The following POLA1 variants were observed in gnomAD, a reference collection of about 807,000 sequenced individuals.
The protein encoded by POLA1 is DNA polymerase alpha 1, catalytic subunit.
Under a neutral mutation model 124.0 loss-of-function variants are expected in POLA1, and 15 were observed. The ratio of observed to expected loss-of-function variants is 0.12; its 90% CI spans 0.08 to 0.19. POLA1 has a LOEUF of 0.19. POLA1 is among the 10% of genes least tolerant of loss of function. POLA1 has a pLI of 1.00. For synonymous variants in POLA1, 408 were observed against 389.4 expected (o/e 1.05, Z -0.56); for missense variants, 886 against 1,103.4 (o/e 0.80, Z 2.79).
intron 36 of POLA1, among the ~76,000 whole-genome samples, chrX:24,932,528 CAG>C (rs1220501437): frequency 1.6e-4 from 18 of 112,039 alleles, no homozygotes; most frequent in Non-Finnish European, 1.9e-5. Flanking sequence ...TCTGTACACT[CAG>C]AGTTTACTGT....
chrX:24,891,942 G>A (rs982943702), intron 35 of POLA1, among the ~76,000 whole-genome samples: 66 of 111,218 alleles, frequency 5.9e-4, no homozygotes, highest in Non-Finnish European at 9.4e-4. Flanking sequence ...GCCTCTTACT[G>A]TGCCAGTCTT....
intron 34 of POLA1, among the ~76,000 whole-genome samples, chrX:24,880,422 ATAGT>A (rs762057127): frequency 8.9e-6 from 1 of 112,025 alleles, no homozygotes; most frequent in Non-Finnish European, 1.9e-5. Flanking sequence ...ACTTCGGTGA[ATAGT>A]TAGTTTATGT....
intron 2 of POLA1, among the ~76,000 whole-genome samples, chrX:24,701,111 C>T (rs1928387632): frequency 9.0e-6 from 1 of 111,513 alleles, no homozygotes; most frequent in Admixed American, 9.6e-5. Flanking sequence ...CTCCCACCCC[C>T]AAAAAAGAAA....
chrX:24,885,640 T>C (rs2047054849), intron 34 of POLA1, among the ~76,000 whole-genome samples: 2 of 111,216 alleles, frequency 1.8e-5, no homozygotes, highest in Admixed American at 1.9e-4. Flanking sequence ...GTTCAAGCAG[T>C]CAGCCTCCCG....
At chrX:24,930,421 G>T in intron 35 of POLA1, 32 bp from the exon 36 acceptor site, 2 of 898,957 alleles carry the variant, frequency 2.2e-6, no homozygotes, top group Non-Finnish European at 3.3e-6. Context: ...CTCCCCAGTA[G>T]TAGTATTCAT....
At chrX:24,925,636 A>G (rs1270534306) in intron 35 of POLA1, among the ~76,000 whole-genome samples, 1 of 112,468 alleles carries the variant, frequency 8.9e-6, no homozygotes, top group Non-Finnish European at 1.9e-5. Flanking sequence ...TGCATGCCCT[A>G]TGACTCAGCA....
intron 34 of POLA1, among the ~76,000 whole-genome samples, chrX:24,868,604 AT>A (rs983785470): frequency 8.1e-5 from 9 of 111,671 alleles, no homozygotes; most frequent in African/African-American, 2.9e-4. Flanking sequence ...GGTGATGAGA[AT>A]TTTTTTTAAC....
intron 34 of POLA1, among the ~76,000 whole-genome samples, chrX:24,886,261 A>G (rs952999863): frequency 1.8e-5 from 2 of 111,855 alleles, no homozygotes; most frequent in African/African-American, 6.5e-5. Flanking sequence ...CCTTTTGCCT[A>G]TTCTTCACAA....
Position 24,918,537 on chromosome X carries a change from A to T in POLA1, c.4165-11916A>T, listed in dbSNP as rs187721430. ...GCATTTTTTCTATTTAAACTCATTTAATATGCATCATAATCCTATGAGGTA... is the reference window on the plus strand; with the variant it reads ...GCATTTTTTCTATTTAAACTCATTTTATATGCATCATAATCCTATGAGGTA... On this transcript the variant is annotated intron_variant, in intron 35 of 36. Coordinates refer to ENST00000379068, the MANE Select transcript of POLA1 (RefSeq NM_001330360.2). Among the ~76,000 whole-genome samples the T allele has an allele frequency of 7.1e-5, 8 of 112,120 alleles. No homozygotes were observed. In the East Asian group the frequency reaches 2.2e-3, roughly 31 times the overall value.
At chrX:24,837,365 T>G (rs956462210) in intron 32 of POLA1, among the ~76,000 whole-genome samples, 1 of 111,880 alleles carries the variant, frequency 8.9e-6, no homozygotes, top group Non-Finnish European at 1.9e-5. Context: ...TCTTTTTGTG[T>G]GCAACTTCTT....
chrX:24,832,338 G>A lies in POLA1; in HGVS notation c.3736+5737G>A, dbSNP rs186913233. Among the ~76,000 whole-genome samples the A allele has an allele frequency of 2.3e-3, 255 of 111,466 alleles. 1 individual carries two copies. Among genetic ancestry groups the A allele is most frequent in the Admixed American group, 9.5e-3 (100 of 10,509 alleles). On this transcript the variant is annotated intron_variant, in intron 32 of 36. Coordinates refer to ENST00000379068, the MANE Select transcript of POLA1 (RefSeq NM_001330360.2). ...GCCTCTTTAAGGGTTTCAGTTGAAC[G>A]GTCCTGCATCTCAGTCTCAACAAAG...
chrX:24,943,692 A>G (rs1177936681), intron 36 of POLA1, among the ~76,000 whole-genome samples: 1 of 112,685 alleles, frequency 8.9e-6, no homozygotes, highest in East Asian at 2.8e-4. Flanking sequence ...AGAAATTTTC[A>G]AAATAATTAA....
At chrX:24,907,437 T>C (rs1178291449) in intron 35 of POLA1, among the ~76,000 whole-genome samples, 3 of 111,221 alleles carry the variant, frequency 2.7e-5, no homozygotes. Context: ...CAGGATAAAA[T>C]AAATTTATTC....
intron 36 of POLA1, among the ~76,000 whole-genome samples, chrX:24,983,023 A>C (rs1255356040): frequency 8.9e-6 from 1 of 112,437 alleles, no homozygotes; most frequent in African/African-American, 3.2e-5. Context: ...TTGCATTAAT[A>C]ATAAAAGCAA....
At chrX:24,857,139 CTG>C (rs971201548) in intron 34 of POLA1, among the ~76,000 whole-genome samples, 1 of 111,568 alleles carries the variant, frequency 9.0e-6, no homozygotes, top group African/African-American at 3.3e-5. Flanking sequence ...TTTCTTTGGT[CTG>C]TGTGTGTCCA....
intron 36 of POLA1, among the ~76,000 whole-genome samples, chrX:24,936,603 C>T (rs1177515496): frequency 9.0e-6 from 1 of 111,577 alleles, no homozygotes; most frequent in Non-Finnish European, 1.9e-5. Flanking sequence ...GTGATCTTGG[C>T]TCACTACAAG....
In POLA1 at chrX:24,965,083, C is replaced by G. The variant is rs748885539; in HGVS notation, c.4262-30722C>G. Among the ~76,000 whole-genome samples, 9 of 112,023 alleles carry G rather than the reference C, an allele frequency of 8.0e-5. No homozygotes were observed. In the South Asian group the frequency reaches 3.4e-3, roughly 42 times the overall value. On this transcript the variant is annotated intron_variant, in intron 36 of 36. Transcript: ENST00000379068. ...TCAGATCACTATAGGGAAGGAAGGG[C>G]TCGATACCTTAAAATTCCCAGTAGA...
At chrX:24,959,069 C>T (rs774058209) in intron 36 of POLA1, among the ~76,000 whole-genome samples, 1 of 111,462 alleles carries the variant, frequency 9.0e-6, no homozygotes, top group African/African-American at 3.3e-5. Context: ...GTTTCTTTTA[C>T]CCTCCCTTTC....
At chrX:24,724,921 A>T (rs1930438442) in intron 12 of POLA1, among the ~76,000 whole-genome samples, 3 of 112,044 alleles carry the variant, frequency 2.7e-5, no homozygotes, top group Non-Finnish European at 5.6e-5. Flanking sequence ...TGAGATATTG[A>T]TGTCTTTGGC....
Sources: gnomAD v4.1 joint callset for allele counts (sites outside exome capture counted in the v4.1 genomes callset) on GRCh38, gnomAD v4.1.1 for gene constraint, MANE v1.5 for transcripts, NCBI Gene and HGNC (gene_info 2026-07-23, HGNC 2026-07-21) for gene names.